The following NDUFS4 variants were observed in gnomAD, a reference collection of about 807,000 sequenced individuals.
NDUFS4 encodes NADH dehydrogenase [ubiquinone] iron-sulfur protein 4, mitochondrial.
NDUFS4 carries 28 observed loss-of-function variants against 24.3 expected under a neutral mutation model. The observed-to-expected ratio is 1.15, with a 90% CI of 0.85 to 1.58. The LOEUF (loss-of-function observed/expected upper bound fraction) is 1.58, where lower values mean the gene tolerates loss of function less well. Ranked by LOEUF, NDUFS4 falls within the 40% of genes most tolerant of loss-of-function variation. The probability of loss-of-function intolerance (pLI) is 0.00; values close to 1 mark genes in which losing one functional copy is unlikely to be tolerated. For missense variants in NDUFS4, 223 were observed against 207.9 expected, an observed-to-expected ratio of 1.07 and a Z score of -0.45; for synonymous variants, 93 against 69.7, an observed-to-expected ratio of 1.34 and a Z score of -1.67.
intron 1 of NDUFS4, among the ~76,000 whole-genome samples, chr5:53,564,652 C>T (rs1264108319): frequency 6.6e-6 from 1 of 152,112 alleles, no homozygotes; most frequent in Non-Finnish European, 1.5e-5. Flanking sequence ...GATCCTCCTG[C>T]CTTAGTCTTC....
At chr5:53,563,236 C>CAAAAAAAAAA (rs906204561) in intron 1 of NDUFS4, among the ~76,000 whole-genome samples, 33 of 104,922 alleles carry the variant, frequency 3.1e-4, no homozygotes, top group Non-Finnish European at 4.3e-4. Context: ...CTCAAAAAAA[C>CAAAAAAAAAA]AAAAAAAAAA....
chr5:53,577,751 A>C (rs1157860460), intron 1 of NDUFS4, among the ~76,000 whole-genome samples: 1 of 152,194 alleles, frequency 6.6e-6, no homozygotes, highest in Non-Finnish European at 1.5e-5. Flanking sequence ...TTAACTATAA[A>C]TAATAATCTC....
chr5:53,681,504 A>G (rs1419355195), intron 4 of NDUFS4, among the ~76,000 whole-genome samples: 2 of 152,064 alleles, frequency 1.3e-5, no homozygotes, highest in African/African-American at 2.4e-5. Context: ...CCTTTAGTAA[A>G]TTTTTTGAAA....
chr5:53,663,718 A>G (rs183289373), intron 4 of NDUFS4, among the ~76,000 whole-genome samples: 1 of 152,046 alleles, frequency 6.6e-6, no homozygotes, highest in African/African-American at 2.4e-5. Flanking sequence ...TTTTGAGCCT[A>G]TGTGTGTCTC....
intron 3 of NDUFS4, among the ~76,000 whole-genome samples, chr5:53,652,069 G>A (rs533281287): frequency 6.6e-6 from 1 of 151,998 alleles, no homozygotes; most frequent in Non-Finnish European, 1.5e-5. Context: ...CACCGTGCCC[G>A]GCCAACTTTA....
chr5:53,634,476 A>G (rs1751494481), intron 2 of NDUFS4, among the ~76,000 whole-genome samples: 1 of 152,232 alleles, frequency 6.6e-6, no homozygotes, highest in South Asian at 2.1e-4. Context: ...CTCTTAATGT[A>G]TGCTATGTGT....
chr5:53,630,211 A>G (rs1289378948), intron 2 of NDUFS4, among the ~76,000 whole-genome samples: 3 of 151,948 alleles, frequency 2.0e-5, no homozygotes, highest in African/African-American at 4.8e-5. Context: ...ATTGACCCCT[A>G]CTCTCTTCTG....
At chr5:53,661,379 T>C (rs1396680484) in intron 4 of NDUFS4, among the ~76,000 whole-genome samples, 1 of 152,224 alleles carries the variant, frequency 6.6e-6, no homozygotes, top group Non-Finnish European at 1.5e-5. Flanking sequence ...TTGGTACCAG[T>C]ACCATGCTAT....
intron 1 of NDUFS4, among the ~76,000 whole-genome samples, chr5:53,564,215 A>G (rs1748948036): frequency 6.6e-6 from 1 of 152,198 alleles, no homozygotes; most frequent in East Asian, 1.9e-4. Flanking sequence ...GGGGAATTGA[A>G]TTTGAACCCT....
chr5:53,681,491 T>G (rs980582325), intron 4 of NDUFS4, among the ~76,000 whole-genome samples: 3 of 152,168 alleles, frequency 2.0e-5, no homozygotes, highest in Non-Finnish European at 2.9e-5. Context: ...AGTTTTCTTA[T>G]GCCCTTTAGT....
intron 1 of NDUFS4, among the ~76,000 whole-genome samples, chr5:53,589,612 C>T (rs576795837): frequency 6.6e-6 from 1 of 152,290 alleles, no homozygotes; most frequent in Non-Finnish European, 1.5e-5. Flanking sequence ...ATGATTAATA[C>T]TGAGTGTCAC....
intron 1 of NDUFS4, chr5:53,573,660 C>G: frequency 2.3e-6 from 1 of 439,960 alleles, no homozygotes; most frequent in Non-Finnish European, 4.5e-6. Flanking sequence ...GCAATCATAG[C>G]TCACTACATC....
chr5:53,607,852 ATAG>A lies in NDUFS4; in HGVS notation c.177+4326_177+4328del, dbSNP rs1416358264. 6.6e-5 allele frequency among the ~76,000 whole-genome samples: 10 copies of A among 152,338 alleles called. No homozygotes were observed. In the East Asian group the frequency reaches 1.9e-3, roughly 29 times the overall value. ...ATTCAGCTGTCCTCCATTAAGCTAG[ATAG>A]TAGATTTTCAAACGAGTGCCAAAAT... On this transcript the variant is annotated intron_variant, in intron 2 of 4. Coordinates refer to ENST00000296684, the MANE Select transcript of NDUFS4 (RefSeq NM_002495.4).
At chr5:53,563,236 C>CAAAA (rs906204561) in intron 1 of NDUFS4, among the ~76,000 whole-genome samples, 3 of 105,050 alleles carry the variant, frequency 2.9e-5, no homozygotes, top group Non-Finnish European at 5.6e-5. Context: ...CTCAAAAAAA[C>CAAAA]AAAAAAAAAA....
intron 4 of NDUFS4, among the ~76,000 whole-genome samples, chr5:53,664,450 C>T (rs545764174): frequency 2.0e-5 from 3 of 152,152 alleles, no homozygotes; most frequent in African/African-American, 7.2e-5. Context: ...CCATTCTCCC[C>T]GTCACTTTCA....
intron 1 of NDUFS4, among the ~76,000 whole-genome samples, chr5:53,591,169 A>G (rs1324992133): frequency 1.3e-5 from 2 of 152,178 alleles, no homozygotes; most frequent in Non-Finnish European, 2.9e-5. Flanking sequence ...TTGTTTACAC[A>G]TTCATCTGCC....
At chr5:53,589,107 A>G (rs2112439196) in intron 1 of NDUFS4, among the ~76,000 whole-genome samples, 1 of 152,348 alleles carries the variant, frequency 6.6e-6, no homozygotes, top group Admixed American at 6.5e-5. Context: ...AAAATAAATT[A>G]TTCTGCCCTT....
At chr5:53,570,391 T>C (rs1216307580) in intron 1 of NDUFS4, among the ~76,000 whole-genome samples, 2 of 152,218 alleles carry the variant, frequency 1.3e-5, no homozygotes, top group Non-Finnish European at 2.9e-5. Flanking sequence ...TTCCGTTATG[T>C]GGAGGTACCA....
At chr5:53,571,019 A>G (rs1224021448) in intron 1 of NDUFS4, among the ~76,000 whole-genome samples, 1 of 152,044 alleles carries the variant, frequency 6.6e-6, no homozygotes, top group Non-Finnish European at 1.5e-5. Flanking sequence ...TAGGTGTTTA[A>G]TGGTATTTCA....
Sources: gnomAD v4.1 joint callset for allele counts (sites outside exome capture counted in the v4.1 genomes callset) on GRCh38, gnomAD v4.1.1 for gene constraint, MANE v1.5 for transcripts, NCBI Gene and HGNC (gene_info 2026-07-23, HGNC 2026-07-21) for gene names.